PRICKLE2: variants seen among roughly 807,000 people sequenced by gnomAD.
PRICKLE2 encodes prickle planar cell polarity protein 2.
PRICKLE2 carries 21 observed loss-of-function variants against 81.4 expected under a neutral mutation model. The observed-to-expected ratio is 0.26, with a 90% CI of 0.18 to 0.37. PRICKLE2 has a LOEUF of 0.37. Ranked by LOEUF, PRICKLE2 falls within the 10% of genes least tolerant of loss-of-function variation. The pLI, the probability that PRICKLE2 is intolerant of heterozygous loss-of-function variation, is 1.00. For synonymous variants in PRICKLE2, 456 were observed against 421.5 expected (o/e 1.08, Z -1.00); for missense variants, 940 against 1,109.0 (o/e 0.85, Z 2.16).
chr3:64,237,874 A>G (rs756021924), intron 2 of PRICKLE2, among the ~76,000 whole-genome samples: 24 of 152,152 alleles, frequency 1.6e-4, no homozygotes, highest in Non-Finnish European at 2.2e-4. Flanking sequence ...CCAGGATGAG[A>G]AAAAGCCCCT....
intron 2 of PRICKLE2, among the ~76,000 whole-genome samples, chr3:64,246,071 C>G (rs1032029241): frequency 9.9e-5 from 15 of 152,116 alleles, no homozygotes; most frequent in African/African-American, 3.6e-4. Context: ...ATGGCAAAAC[C>G]CCTCTGCAAA....
At chr3:64,157,021 G>A (rs1211463886) in intron 5 of PRICKLE2, 141 bp downstream of exon 5, 1 of 783,430 alleles carries the variant, frequency 1.3e-6, no homozygotes, top group African/African-American at 1.7e-5. Context: ...GGATGGGTGG[G>A]GCTTCTCTCC....
intron 2 of PRICKLE2, among the ~76,000 whole-genome samples, chr3:64,245,232 G>C (rs939575694): frequency 6.6e-6 from 1 of 152,174 alleles, no homozygotes; most frequent in African/African-American, 2.4e-5. Flanking sequence ...AAAAATTCTA[G>C]TGTTTGAAAG....
At chr3:64,177,820 GGTT>G in intron 2 of PRICKLE2, among the ~76,000 whole-genome samples, 1 of 152,194 alleles carries the variant, frequency 6.6e-6, no homozygotes, top group South Asian at 2.1e-4. Flanking sequence ...ACGGAATTTG[GGTT>G]GTTTTTACCT....
At chr3:64,108,720 G>A (rs933392356) in intron 7 of PRICKLE2, among the ~76,000 whole-genome samples, 1 of 152,142 alleles carries the variant, frequency 6.6e-6, no homozygotes, top group Non-Finnish European at 1.5e-5. Flanking sequence ...GGAACACCAA[G>A]ATGATGGGAG....
At position 64,179,107 on chromosome 3, in the gene PRICKLE2, G is replaced by A. The variant is rs116088086; in HGVS notation, c.145-15978C>T. 5.9e-3 allele frequency among the ~76,000 whole-genome samples: 820 copies of A among 140,170 alleles called. 5 individuals are homozygous for A. Among genetic ancestry groups the A allele is most frequent in the African/African-American group, 0.017 (643 of 37,708 alleles). 92.0% of individuals were successfully genotyped at this position (140,170 alleles called of 152,430 possible). ...GTCTCTTTCTTTCAGACTGAGTTTC[G>A]CTCTTGTCATCCAGGCTGGAATGCA... On this transcript the variant is annotated intron_variant, in intron 2 of 7. Transcript: ENST00000638394.
Position 64,159,849 on chromosome 3 carries a change from A to G in PRICKLE2, c.396+91T>C, listed in dbSNP as rs542671031. 4.9e-5 allele frequency: 74 copies of G among 1,522,780 alleles called. 1 individual carries two copies. The African/African-American group carries it at 6.1e-4, about 13-fold the overall frequency. 94.3% of individuals were successfully genotyped at this position (1,522,780 alleles called of 1,614,324 possible). A position where few individuals can be genotyped will look rare whatever the true frequency, so the allele number is the denominator to read the frequency against. On this transcript the variant is annotated intron_variant, in intron 4 of 7. Transcript: ENST00000638394. ...GTTCACTACTGTATCTCAGGCACAT[A>G]GTAGGCACTCAGTAAAACAATTGTT...
At position 64,198,808 on chromosome 3, in the gene PRICKLE2, G is replaced by A. The variant is rs769615303; in HGVS notation, c.120C>T (p.Val40=). 4 of 1,613,946 alleles carry A rather than the reference G, an allele frequency of 2.5e-6. No individual in the cohort carries two copies. The African/African-American group carries it at 5.3e-5, about 22-fold the overall frequency. Residue 40 remains valine (V), a synonymous_variant, in exon 2 of 8, where the codon GTC becomes GTT. Transcript: ENST00000638394. ...CCTGTTCAGGCTTCAGACCCGGCGGGACCCAGGCATACTCTTCCAAAGCAC... is the reference window on the plus strand; with the variant it reads ...CCTGTTCAGGCTTCAGACCCGGCGGAACCCAGGCATACTCTTCCAAAGCAC... ...SGCALEEYAW[V]PPGLKPEQVH... is the part of the protein sequence containing the mutation.
Position 64,095,677 on chromosome 3 carries a change from A to G in PRICKLE2, c.*3374T>C, listed in dbSNP as rs1212259285. On this transcript the variant is annotated 3_prime_UTR_variant, in exon 8 of 8. Transcript: ENST00000638394. ...TCTTGTTATAGTGCAGGAACATCCT[A>G]CAGGAAATGAGGATTAGAAAGCACT... 1 of 152,222 alleles carries G rather than the reference A, an allele frequency of 6.6e-6. No homozygotes were observed. The highest frequency in any genetic ancestry group is 1.5e-5 in the Non-Finnish European group (1 of 68,034). 9.4% of individuals were successfully genotyped at this position (152,222 alleles called of 1,614,324 possible).
chr3:64,258,685 G>A (rs1195066983), intron 2 of PRICKLE2, among the ~76,000 whole-genome samples: 2 of 151,426 alleles, frequency 1.3e-5, no homozygotes, highest in Admixed American at 6.6e-5. Context: ...ATAGCCAGGT[G>A]TGGTGGCGGG....
At chr3:64,216,072 T>A (rs926505733) in intron 1 of PRICKLE2, among the ~76,000 whole-genome samples, 1 of 152,150 alleles carries the variant, frequency 6.6e-6, no homozygotes, top group Admixed American at 6.5e-5. Context: ...CTCCGCAGGG[T>A]TTAACATTAG....
chr3:64,124,578 T>G (rs2077079079), intron 7 of PRICKLE2, among the ~76,000 whole-genome samples: 1 of 151,854 alleles, frequency 6.6e-6, no homozygotes, highest in African/African-American at 2.4e-5. Flanking sequence ...GACTTTAAGT[T>G]GAAGCTAATG....
At position 64,168,306 on chromosome 3, in the gene PRICKLE2, C is replaced by T. The variant is rs549981881; in HGVS notation, c.145-5177G>A. On this transcript the variant is annotated intron_variant, in intron 2 of 7. Transcript: ENST00000638394. ...AATATTTTGGCTTCCCTGGGCCACA[C>T]TGGAAGAAGAAGAATTGTCTTGAGC... Among the ~76,000 whole-genome samples the T allele has an allele frequency of 1.4e-4, 22 of 152,100 alleles. No homozygotes were observed. The South Asian group carries it at 4.4e-3, about 30-fold the overall frequency.
intron 1 of PRICKLE2, among the ~76,000 whole-genome samples, chr3:64,217,759 T>A (rs188572004): frequency 3.3e-5 from 5 of 152,254 alleles, no homozygotes; most frequent in Admixed American, 2.6e-4. Flanking sequence ...TGTCGATTAT[T>A]TGTGAGGTCT....
intron 7 of PRICKLE2, among the ~76,000 whole-genome samples, chr3:64,129,635 C>G (rs1368680463): frequency 6.6e-6 from 1 of 152,040 alleles, no homozygotes; most frequent in Non-Finnish European, 1.5e-5. Flanking sequence ...CCTGGAGTGA[C>G]AGAAGGAACA....
At chr3:64,142,530 T>C (rs1392940236) in intron 7 of PRICKLE2, among the ~76,000 whole-genome samples, 1 of 152,096 alleles carries the variant, frequency 6.6e-6, no homozygotes, top group East Asian at 1.9e-4. Flanking sequence ...AGGCTGGTCT[T>C]GAACTTCTGG....
chr3:64,099,580 G>A lies in PRICKLE2; in HGVS notation c.2006C>T (p.Thr669Ile). The A allele has an allele frequency of 1.9e-6, 3 of 1,613,528 alleles. No homozygotes were observed. Among genetic ancestry groups the A allele is most frequent in the Non-Finnish European group, 2.5e-6 (3 of 1,179,794 alleles). The change falls in exon 8 of 8, where the codon ACC becomes ATC. Residue 669 changes from threonine (T) to isoleucine (I), a missense_variant. This residue lies in a region of PRICKLE2 where 670 missense variants were observed against 717.2 expected (regional missense o/e 0.93). Transcript: ENST00000638394. The surrounding 1 kb of genome is among the most constrained non-coding windows in gnomAD (Gnocchi z 4.3). The part of the protein sequence containing the change: ...GVRIQPMSER[T>I]RRRATSRDDN... Reference sequence around the variant, plus strand: ...GTCGCGTGAAGTAGCTCTTCTCCGGGTGCGTTCACTCATGGGCTGGATCCT... The same window carrying A: ...GTCGCGTGAAGTAGCTCTTCTCCGGATGCGTTCACTCATGGGCTGGATCCT...
At chr3:64,242,347 T>C (rs753662168) in intron 2 of PRICKLE2, among the ~76,000 whole-genome samples, 1 of 152,220 alleles carries the variant, frequency 6.6e-6, no homozygotes. Context: ...ACATTTTCCT[T>C]AGGAGTGTTT....
At chr3:64,228,323 T>C (rs962475373), upstream of PRICKLE2, among the ~76,000 whole-genome samples, 2 of 151,810 alleles carry the variant, frequency 1.3e-5, no homozygotes, top group African/African-American at 4.8e-5. Flanking sequence ...GCATGCAGAG[T>C]CCTCAAAGGC....
Sources: gnomAD v4.1 joint callset for allele counts (sites outside exome capture counted in the v4.1 genomes callset) on GRCh38, gnomAD v4.1.1 for gene constraint, gnomAD v4.1.1 regional missense constraint, Gnocchi (gnomAD v3.1) non-coding constraint, MANE v1.5 for transcripts, NCBI Gene and HGNC (gene_info 2026-07-23, HGNC 2026-07-21) for gene names.